Variants in LAMB4 observed in about 807,000 individuals in gnomAD.
LAMB4 encodes laminin subunit beta-4.
A neutral mutation model predicts 199.2 loss-of-function variants in LAMB4; 196 were observed. That is an observed-to-expected ratio of 0.98 (90% CI 0.88 to 1.11). The LOEUF is 1.11. Among genes scored for constraint, LAMB4 ranks in the 50% least tolerant of loss-of-function variants. LAMB4 has a pLI of 0.00. For synonymous variants in LAMB4, 744 were observed against 770.6 expected, an observed-to-expected ratio of 0.97 and a Z score of 0.57; for missense variants, 2,080 against 2,171.2, an observed-to-expected ratio of 0.96 and a Z score of 0.83.
intron 14 of LAMB4, among the ~76,000 whole-genome samples, chr7:108,081,814 A>T (rs1228177835): frequency 6.6e-6 from 1 of 152,202 alleles, no homozygotes; most frequent in Non-Finnish European, 1.5e-5. Flanking sequence ...TATGGGAGGC[A>T]TCTGCATCCT....
intron 14 of LAMB4, among the ~76,000 whole-genome samples, chr7:108,084,793 T>TA (rs1309233169): frequency 7.5e-5 from 11 of 147,378 alleles, no homozygotes; most frequent in African/African-American, 2.8e-4. Flanking sequence ...CCTTTTTTTT[T>TA]TTTTTTTTTT....
intron 2 of LAMB4, among the ~76,000 whole-genome samples, chr7:108,121,844 C>T (rs1338855275): frequency 3.3e-5 from 5 of 151,410 alleles, no homozygotes; most frequent in Non-Finnish European, 7.4e-5. Flanking sequence ...ATGATTATTT[C>T]TCCTTATATT....
In LAMB4 at chr7:108,024,155, A is replaced by G. The variant is rs1253413882; in HGVS notation, c.5170T>C (p.Leu1724=). The G allele has an allele frequency of 1.3e-6, 2 of 1,571,364 alleles. No homozygotes were observed. Among genetic ancestry groups the G allele is most frequent in the Non-Finnish European group, 8.7e-7 (1 of 1,155,226 alleles). ...GCTTTTGCTTGTCTACTTAGATTCA[A>G]ATCTTGGATTTTCCTTTCTAAATCT... is the stretch of plus-strand genomic sequence containing the variant. ...ITDLERKIQD[L]NLSRQAKADQ... is the part of the protein sequence containing the mutation. Residue 1724 remains leucine (L), a synonymous_variant, in exon 34 of 34, where the codon TTG becomes CTG. Transcript: ENST00000388781.
rs146816199 is a variant in LAMB4 at position 108,068,092 on chromosome 7, A to C, written c.2370T>G (p.Cys790Trp). 4 of 1,614,054 alleles carry C rather than the reference A, an allele frequency of 2.5e-6. No individual in the cohort carries two copies. The African/African-American group carries it at 5.3e-5, about 22-fold the overall frequency. ...SCSRLGGQCQ[C>W]KPLVVGRCCD... Reference sequence around the variant, plus strand: ...AGCAGCGCCCGACCACAAGAGGTTTACACTGGCACTGGCCTCCAAGTCGGC... The same window carrying C: ...AGCAGCGCCCGACCACAAGAGGTTTCCACTGGCACTGGCCTCCAAGTCGGC... The change falls in exon 19 of 34, where the codon TGT (cysteine) becomes TGG (tryptophan). Residue 790 changes from cysteine (C) to tryptophan (W), a missense_variant. Cys to Trp is a radical substitution (Grantham distance 215). Transcript: ENST00000388781.
At chr7:108,089,996 G>A (rs2037337443) in intron 14 of LAMB4, among the ~76,000 whole-genome samples, 1 of 152,056 alleles carries the variant, frequency 6.6e-6, no homozygotes, top group Non-Finnish European at 1.5e-5. Flanking sequence ...ATGCACCTGG[G>A]TTTCAATCCA....
chr7:108,109,822 A>T (rs968913903), intron 4 of LAMB4, among the ~76,000 whole-genome samples: 1 of 152,086 alleles, frequency 6.6e-6, no homozygotes, highest in African/African-American at 2.4e-5. Flanking sequence ...TCTAGCAGAG[A>T]TGTGGGGTAT....
At chr7:108,091,858 C>G in intron 13 of LAMB4, 82 bp from the exon 14 acceptor site, 8 of 1,390,810 alleles carry the variant, frequency 5.8e-6, no homozygotes, top group Non-Finnish European at 8.0e-6. Flanking sequence ...GGCTAATGCT[C>G]CCTGAGTTTG....
intron 23 of LAMB4, chr7:108,062,551 A>T: frequency 2.9e-6 from 1 of 342,016 alleles, no homozygotes. Context: ...CCTCAGTCAC[A>T]GAGAGAAAAC....
At chr7:108,019,729 A>G (rs773849334), downstream of LAMB4, among the ~76,000 whole-genome samples, 2 of 152,136 alleles carry the variant, frequency 1.3e-5, no homozygotes, top group Non-Finnish European at 1.5e-5. Context: ...TATTACCAAA[A>G]GGAAGAAGGA....
intron 11 of LAMB4, 129 bp downstream of exon 11, chr7:108,098,274 A>C: frequency 1.5e-6 from 1 of 664,656 alleles, no homozygotes; most frequent in Non-Finnish European, 2.4e-6. Flanking sequence ...TGGAGGTTGG[A>C]GTGAGCCGAG....
At chr7:108,092,458 G>T in intron 12 of LAMB4, 42 bp from the exon 13 acceptor site, 1 of 1,482,944 alleles carries the variant, frequency 6.7e-7, no homozygotes, top group Non-Finnish European at 9.4e-7. Flanking sequence ...CTATGAAGAT[G>T]CTGTTGCTCT....
rs1361787000 is a variant in LAMB4, at chr7:108,029,300, C to A, written c.4993-104G>T. On this transcript the variant is annotated intron_variant, in intron 32 of 33. Coordinates refer to ENST00000388781, the MANE Select transcript of LAMB4 (RefSeq NM_007356.3). ...ATTCATAGAAGGAATACAGAGGAAA[C>A]CTTAATCCAGTCAATACACTTGAGT... is the stretch of plus-strand genomic sequence containing the variant. 1.4e-5 allele frequency: 14 copies of A among 966,796 alleles called. No homozygotes were observed. The East Asian group carries it at 3.8e-4, about 27-fold the overall frequency. 59.9% of individuals were successfully genotyped at this position (966,796 alleles called of 1,614,324 possible).
intron 30 of LAMB4, among the ~76,000 whole-genome samples, chr7:108,036,308 C>A (rs2035228746): frequency 6.6e-6 from 1 of 151,960 alleles, no homozygotes; most frequent in South Asian, 2.1e-4. Context: ...TCCTCCTCAG[C>A]CTCCCAAGTA....
chr7:108,068,029 A>G lies in LAMB4; in HGVS notation c.2433T>C (p.His811=). 1.9e-6 allele frequency: 3 copies of G among 1,614,158 alleles called. No homozygotes were observed. Among genetic ancestry groups the G allele is most frequent in the Non-Finnish European group, 2.5e-6 (3 of 1,180,018 alleles). ...TTTGCTACGTACGGTGACAGCCGTG[A>G]TGCCCCAAATCATAGCTTCCAGTTG... ...RCSTGSYDLG[H]HGCHPCHCHP... is the part of the protein sequence containing the mutation. Residue 811 remains histidine (H), a synonymous_variant, in exon 19 of 34, where the codon CAT becomes CAC. Transcript: ENST00000388781.
intron 14 of LAMB4, among the ~76,000 whole-genome samples, chr7:108,082,868 C>T (rs942978507): frequency 1.3e-5 from 2 of 152,166 alleles, no homozygotes; most frequent in African/African-American, 4.8e-5. Flanking sequence ...ATCATATCCC[C>T]ATTTAAAGCA....
chr7:108,044,508 A>G (rs1290824045), intron 28 of LAMB4, among the ~76,000 whole-genome samples: 1 of 152,212 alleles, frequency 6.6e-6, no homozygotes, highest in Non-Finnish European at 1.5e-5. Flanking sequence ...TGATCTGAGA[A>G]AGGTCATGGA....
At chr7:108,036,744 C>T (rs2035244195) in intron 30 of LAMB4, among the ~76,000 whole-genome samples, 1 of 151,896 alleles carries the variant, frequency 6.6e-6, no homozygotes, top group South Asian at 2.1e-4. Flanking sequence ...TTGGCTAAGT[C>T]AACAGGACAA....
At chr7:108,066,343 A>C in intron 20 of LAMB4, 26 bp downstream of exon 20, 1 of 1,558,246 alleles carries the variant, frequency 6.4e-7, no homozygotes, top group Non-Finnish European at 8.8e-7. Context: ...AAGACCTAAA[A>C]ATTAAAGTGC....
chr7:108,014,985 G>C, the LAMB4 span, among the ~76,000 whole-genome samples: 1 of 152,204 alleles, frequency 6.6e-6, no homozygotes, highest in African/African-American at 2.4e-5. Context: ...GGCTCCCAAA[G>C]TGTCAGGATT....
Sources: allele counts gnomAD v4.1 joint callset (sites outside exome capture counted in the v4.1 genomes callset), GRCh38; gene constraint gnomAD v4.1.1; transcripts MANE v1.5; gene names NCBI Gene and HGNC (gene_info 2026-07-23, HGNC 2026-07-21).